FBRSL1: variants seen among roughly 807,000 people sequenced by gnomAD.
FBRSL1 encodes the protein fibrosin like 1.
FBRSL1 carries 51 observed loss-of-function variants against 89.6 expected under a neutral mutation model. The ratio of observed to expected loss-of-function variants is 0.57; its 90% CI spans 0.45 to 0.72. The LOEUF (loss-of-function observed/expected upper bound fraction) is 0.72, where lower values mean the gene tolerates loss of function less well. Among genes scored for constraint, FBRSL1 ranks in the 30% least tolerant of loss-of-function variants. The pLI is 0.00. For synonymous variants in FBRSL1, 779 were observed against 681.1 expected (o/e 1.14, Z -2.24); for missense variants, 1,618 against 1,451.8 (o/e 1.11, Z -1.86).
At chr12:132,541,419 G>T (rs535300310) in intron 4 of FBRSL1, among the ~76,000 whole-genome samples, 2 of 152,156 alleles carry the variant, frequency 1.3e-5, no homozygotes, top group Non-Finnish European at 2.9e-5. Context: ...CAGCAGCCCC[G>T]CCAGAGGTCA....
intron 14 of FBRSL1, among the ~76,000 whole-genome samples, chr12:132,575,247 A>G (rs1178808860): frequency 6.6e-6 from 1 of 152,006 alleles, no homozygotes; most frequent in Non-Finnish European, 1.5e-5. Flanking sequence ...TTTTTTTTTG[A>G]GACGGAGTCT....
rs1423221724 is a variant in FBRSL1, at chr12:132,555,444, C to CAG, written c.645+7412_645+7413insAG. Among the ~76,000 whole-genome samples, 109 of 129,870 alleles carry CAG rather than the reference C, an allele frequency of 8.4e-4. 24 individuals are homozygous for CAG. Among genetic ancestry groups the CAG allele is most frequent in the Middle Eastern group, 4.4e-3 (1 of 228 alleles). 85.2% of individuals were successfully genotyped at this position (129,870 alleles called of 152,430 possible). A position where few individuals can be genotyped will look rare whatever the true frequency, so the allele number is the denominator to read the frequency against. ...GAGCATGGCCTCCACGGTAGCTGCG[C>CAG]CACCGGAGCGTGAGCGTGGCCTCCA... On this transcript the variant is annotated intron_variant, in intron 5 of 18. Transcript: ENST00000680143.
In FBRSL1 at chr12:132,583,682, G is replaced by A; in HGVS notation, c.2913G>A (p.Pro971=). 8.8e-7 allele frequency: 1 copy of A among 1,142,024 alleles called. No individual in the cohort carries two copies. Among genetic ancestry groups the A allele is most frequent in the Non-Finnish European group, 1.1e-6 (1 of 930,132 alleles). 70.7% of individuals were successfully genotyped at this position (1,142,024 alleles called of 1,614,324 possible). The change falls in exon 19 of 19, where the codon CCG becomes CCA. Residue 971 remains proline, a synonymous_variant. Transcript: ENST00000680143. Reference sequence around the variant, plus strand: ...CCGGGCCCCCCACGCCCCCCGGGCCGCCGCGGAGCCGGACTACTCCGCTGG... The same window carrying A: ...CCGGGCCCCCCACGCCCCCCGGGCCACCGCGGAGCCGGACTACTCCGCTGG... The part of the protein sequence containing the change: ...TAAGPPTPPG[P]PRSRTTPLGG...
intron 2 of FBRSL1, chr12:132,511,532 TTGAC>T (rs1287371515): frequency 1.0e-6 from 1 of 985,816 alleles, no homozygotes; most frequent in Non-Finnish European, 1.2e-6. Context: ...TGGGGGGGCT[TTGAC>T]TGTCTCCAGA....
At chr12:132,557,603 G>A (rs2038784115) in intron 5 of FBRSL1, among the ~76,000 whole-genome samples, 1 of 152,238 alleles carries the variant, frequency 6.6e-6, no homozygotes, top group Non-Finnish European at 1.5e-5. Context: ...AGAAAGTGGG[G>A]TTGGAAGCCT....
chr12:132,490,459 C>A lies in FBRSL1; in HGVS notation c.-112C>A. 2 of 776,554 alleles carry A rather than the reference C, an allele frequency of 2.6e-6. No homozygotes were observed. The highest frequency in any genetic ancestry group is 3.1e-6 in the Non-Finnish European group (2 of 645,080). 48.1% of individuals were successfully genotyped at this position (776,554 alleles called of 1,614,324 possible). A position where few individuals can be genotyped will look rare whatever the true frequency, so the allele number is the denominator to read the frequency against. ...CGCCCGCCGCCGCCCAGGGCCCGAG[C>A]CCGCGCGGCGCACACTCAGCCCGGC... On this transcript the variant is annotated 5_prime_UTR_variant, in exon 1 of 19. Transcript: ENST00000680143.
chr12:132,575,232 CTT>C (rs2040305688), intron 14 of FBRSL1, among the ~76,000 whole-genome samples: 1 of 142,448 alleles, frequency 7.0e-6, no homozygotes, highest in African/African-American at 2.8e-5. Context: ...TGCTGTATGT[CTT>C]TCTTTTTTTT....
intron 5 of FBRSL1, among the ~76,000 whole-genome samples, chr12:132,567,027 C>T (rs1005339273): frequency 4.6e-5 from 7 of 152,228 alleles, no homozygotes; most frequent in Admixed American, 1.3e-4. Context: ...GGCGCCTGTG[C>T]TGGGCAGTGG....
At chr12:132,513,684 C>T (rs943205154) in intron 2 of FBRSL1, among the ~76,000 whole-genome samples, 7 of 152,064 alleles carry the variant, frequency 4.6e-5, no homozygotes, top group East Asian at 1.9e-4. Flanking sequence ...GCAGAGCCCA[C>T]GGCAGACGAG....
chr12:132,490,480 C>T lies in FBRSL1; in HGVS notation c.-91C>T. 1 of 893,020 alleles carries T rather than the reference C, an allele frequency of 1.1e-6. No individual in the cohort carries two copies. The highest frequency in any genetic ancestry group is 1.3e-6 in the Non-Finnish European group (1 of 750,248). The allele number at this position is 893,020 out of a possible 1,614,324, so 55.3% of individuals were successfully genotyped here. ...CGAGCCCGCGCGGCGCACACTCAGC[C>T]CGGCGGCGCCGCGTAGCCGAGGGAG... On this transcript the variant is annotated 5_prime_UTR_variant, in exon 1 of 19. Transcript: ENST00000680143.
intron 1 of FBRSL1, 59 bp downstream of exon 1, chr12:132,490,920 G>A: frequency 1.8e-6 from 2 of 1,136,246 alleles, no homozygotes; most frequent in South Asian, 2.0e-5. Flanking sequence ...CGGAGTTGAC[G>A]CGTCGGGCGA....
chr12:132,582,273 G>A lies in FBRSL1; in HGVS notation c.2201+7G>A. 6.5e-7 allele frequency: 1 copy of A among 1,549,306 alleles called. No individual in the cohort carries two copies. Among genetic ancestry groups the A allele is most frequent in the East Asian group, 2.4e-5 (1 of 40,874 alleles). On this transcript the variant is annotated splice_region_variant and intron_variant, in intron 18 of 18. Transcript: ENST00000680143. ...GCAAGGAGGAGCAGGAACGGTGAGT[G>A]GCCCTCTTGTTCCGTATCCCCACCA...
At chr12:132,551,765 C>T (rs1016011508) in intron 5 of FBRSL1, 7 of 360,732 alleles carry the variant, frequency 1.9e-5, no homozygotes, top group East Asian at 7.5e-5. Context: ...TGGCAGCTGA[C>T]GGGAGGCTCG....
intron 1 of FBRSL1, among the ~76,000 whole-genome samples, chr12:132,496,106 G>A (rs2031979613): frequency 1.3e-5 from 2 of 152,248 alleles, no homozygotes; most frequent in African/African-American, 4.8e-5. Flanking sequence ...CGCACGTGCT[G>A]CGCACCTTCG....
chr12:132,568,474 G>C (rs144835524), intron 6 of FBRSL1, among the ~76,000 whole-genome samples: 165 of 152,382 alleles, frequency 1.1e-3, no homozygotes, highest in African/African-American at 3.8e-3. Flanking sequence ...CCCGGTAGGA[G>C]AGGCAGCTGG....
At chr12:132,513,857 C>T (rs1037904319) in intron 2 of FBRSL1, among the ~76,000 whole-genome samples, 8 of 152,296 alleles carry the variant, frequency 5.3e-5, no homozygotes, top group East Asian at 1.9e-4. Flanking sequence ...CATGAGCCAT[C>T]GCTGAGCAGC....
intron 2 of FBRSL1, among the ~76,000 whole-genome samples, chr12:132,523,817 C>T (rs1368114164): frequency 6.6e-6 from 1 of 152,190 alleles, no homozygotes; most frequent in Non-Finnish European, 1.5e-5. Flanking sequence ...ATGATGCATT[C>T]CCGGGACCCC....
chr12:132,561,343 C>T (rs116175313), intron 5 of FBRSL1, among the ~76,000 whole-genome samples: 1 of 152,136 alleles, frequency 6.6e-6, no homozygotes, highest in Non-Finnish European at 1.5e-5. Context: ...TCGCTGGTGT[C>T]TGGGGCGCCC....
chr12:132,512,888 C>T (rs571773311), intron 2 of FBRSL1, among the ~76,000 whole-genome samples: 69 of 152,306 alleles, frequency 4.5e-4, no homozygotes, highest in African/African-American at 1.5e-3. Flanking sequence ...GAGGGGCTCT[C>T]GAGGCCTGGC....
Sources: allele counts gnomAD v4.1 joint callset (sites outside exome capture counted in the v4.1 genomes callset), GRCh38; gene constraint gnomAD v4.1.1; transcripts MANE v1.5; gene names NCBI Gene and HGNC (gene_info 2026-07-23, HGNC 2026-07-21).